OPHN1: variants seen among roughly 807,000 people sequenced by gnomAD.
OPHN1 encodes the protein oligophrenin-1.
Under a neutral mutation model 60.7 loss-of-function variants are expected in OPHN1, and 11 were observed. That is an observed-to-expected ratio of 0.18 (90% CI 0.11 to 0.30). The LOEUF is 0.30. OPHN1 is among the 10% of genes least tolerant of loss of function. OPHN1 has a pLI of 1.00. For missense variants in OPHN1, 449 were observed against 611.0 expected, an observed-to-expected ratio of 0.73 and a Z score of 2.80; for synonymous variants, 226 against 222.6, an observed-to-expected ratio of 1.02 and a Z score of -0.14.
At chrX:68,120,452 C>T (rs2077146066) in intron 15 of OPHN1, among the ~76,000 whole-genome samples, 1 of 111,606 alleles carries the variant, frequency 9.0e-6, no homozygotes, top group Non-Finnish European at 1.9e-5. Context: ...TGAATAACTG[C>T]TATACTAAAA....
chrX:68,261,357 T>C (rs1021310726), intron 5 of OPHN1, among the ~76,000 whole-genome samples: 4 of 111,590 alleles, frequency 3.6e-5, no homozygotes, highest in Non-Finnish European at 7.5e-5. Flanking sequence ...GATGACTGAG[T>C]CTTTATTCTG....
At chrX:68,068,470 C>CA (rs61188762) in intron 20 of OPHN1, among the ~76,000 whole-genome samples, 20,045 of 39,583 alleles carry the variant, frequency 0.51, 5,631 homozygotes, top group South Asian at 0.69. Flanking sequence ...GACTCCATCT[C>CA]AAAAAAAAAA....
intron 2 of OPHN1, among the ~76,000 whole-genome samples, chrX:68,336,677 T>A (rs1438707183): frequency 1.8e-5 from 2 of 109,060 alleles, no homozygotes; most frequent in Non-Finnish European, 3.8e-5. Flanking sequence ...TGTGAGAGTG[T>A]GTGTGTGTGT....
At chrX:68,161,531 T>C (rs2077334217) in intron 15 of OPHN1, among the ~76,000 whole-genome samples, 1 of 110,952 alleles carries the variant, frequency 9.0e-6, no homozygotes, top group African/African-American at 3.3e-5. Context: ...GTCAATTAAA[T>C]ACCACATAAT....
chrX:68,049,558 C>T (rs2076844082), intron 23 of OPHN1, among the ~76,000 whole-genome samples: 1 of 111,805 alleles, frequency 8.9e-6, no homozygotes, highest in Non-Finnish European at 1.9e-5. Context: ...GACAATTAGT[C>T]TCCTTAACTG....
intron 2 of OPHN1, among the ~76,000 whole-genome samples, chrX:68,401,993 G>A (rs1602391077): frequency 3.6e-5 from 4 of 111,824 alleles, no homozygotes; most frequent in African/African-American, 1.3e-4. Context: ...CGGCAGTGTG[G>A]AAAACCACTG....
chrX:68,116,691 C>T (rs761336017), intron 16 of OPHN1, among the ~76,000 whole-genome samples: 2 of 111,641 alleles, frequency 1.8e-5, no homozygotes, highest in South Asian at 3.8e-4. Flanking sequence ...TACCCAAATT[C>T]GACATATCCA....
chrX:68,267,531 G>A (rs1956742032), intron 5 of OPHN1, among the ~76,000 whole-genome samples: 1 of 112,282 alleles, frequency 8.9e-6, no homozygotes, highest in African/African-American at 3.2e-5. Context: ...TCAAAGCAGT[G>A]TGTAGAGGGA....
intron 2 of OPHN1, among the ~76,000 whole-genome samples, chrX:68,418,647 C>G (rs1230001323): frequency 8.9e-6 from 1 of 111,952 alleles, no homozygotes. Context: ...GGGTTTGAAT[C>G]CCAACTTGCC....
At chrX:68,162,685 C>T (rs920459138) in intron 15 of OPHN1, among the ~76,000 whole-genome samples, 3 of 110,365 alleles carry the variant, frequency 2.7e-5, no homozygotes, top group African/African-American at 9.8e-5. Flanking sequence ...ATTCACATGT[C>T]ATTATATGGA....
chrX:68,295,081 C>A (rs2078088166), intron 3 of OPHN1, among the ~76,000 whole-genome samples: 1 of 111,434 alleles, frequency 9.0e-6, no homozygotes, highest in African/African-American at 3.3e-5. Context: ...AATCAAGGCC[C>A]TGGGCTCCGC....
chrX:68,429,772 A>G (rs1457743057), intron 2 of OPHN1, among the ~76,000 whole-genome samples: 1 of 111,293 alleles, frequency 9.0e-6, no homozygotes, highest in East Asian at 2.8e-4. Flanking sequence ...GCAGTGGCTC[A>G]TGCCTGTAAT....
At chrX:68,370,005 T>C in intron 2 of OPHN1, among the ~76,000 whole-genome samples, 1 of 80,978 alleles carries the variant, frequency 1.2e-5, no homozygotes, top group East Asian at 3.8e-4. Context: ...TGGCATAAAT[T>C]GCTGAAATAT....
In OPHN1 at chrX:68,213,851, A is replaced by G; in HGVS notation, c.597+11T>C. The G allele has an allele frequency of 9.5e-7, 1 of 1,052,633 alleles. No homozygotes were observed. The highest frequency in any genetic ancestry group is 1.9e-5 in the South Asian group (1 of 52,321). The allele number at this position is 1,052,633 out of a possible 1,213,427, so 86.7% of individuals were successfully genotyped here. A position where few individuals can be genotyped will look rare whatever the true frequency, so the allele number is the denominator to read the frequency against. On this transcript the variant is annotated intron_variant, in intron 7 of 24. Transcript: ENST00000355520. ...ATATTTTTAGACCATTCATCAACAG[A>G]GAAAACTTACAGGCTCCACAATATT... is the stretch of plus-strand genomic sequence containing the variant.
intron 15 of OPHN1, among the ~76,000 whole-genome samples, chrX:68,162,470 A>C (rs5918819): frequency 0.35 from 38,197 of 109,154 alleles, 5,557 homozygotes; most frequent in African/African-American, 0.52. Context: ...TATCCATGTC[A>C]TCAAAGGCAA....
chrX:68,364,839 G>A (rs756847083), intron 2 of OPHN1, among the ~76,000 whole-genome samples: 153 of 112,265 alleles, frequency 1.4e-3, no homozygotes, highest in Non-Finnish European at 2.4e-3. Context: ...CCATGCTAGA[G>A]CACAGAGGTT....
At chrX:68,162,138 T>C (rs1457560417) in intron 15 of OPHN1, among the ~76,000 whole-genome samples, 4 of 110,664 alleles carry the variant, frequency 3.6e-5, no homozygotes, top group Non-Finnish European at 7.6e-5. Flanking sequence ...AACTAAAACA[T>C]ATAGTAAACC....
chrX:68,174,916 T>A (rs1351515126), intron 15 of OPHN1, among the ~76,000 whole-genome samples: 1 of 109,943 alleles, frequency 9.1e-6, no homozygotes, highest in Non-Finnish European at 1.9e-5. Flanking sequence ...AAACCCTATC[T>A]CTACTAAAAA....
intron 23 of OPHN1, among the ~76,000 whole-genome samples, chrX:68,051,083 A>C (rs2076849871): frequency 8.9e-6 from 1 of 111,779 alleles, no homozygotes; most frequent in Non-Finnish European, 1.9e-5. Flanking sequence ...TGCTGTGCAG[A>C]ATCATGTCCT....
Sources: gnomAD v4.1 joint callset for allele counts (sites outside exome capture counted in the v4.1 genomes callset) on GRCh38, gnomAD v4.1.1 for gene constraint, MANE v1.5 for transcripts, NCBI Gene and HGNC (gene_info 2026-07-23, HGNC 2026-07-21) for gene names.